Variants in DUSP3 observed in about 807,000 individuals in gnomAD.
DUSP3 encodes the protein dual specificity phosphatase 3, also known as dual specificity protein phosphatase 3.
Under a neutral mutation model 15.5 loss-of-function variants are expected in DUSP3, and 7 were observed. That is an observed-to-expected ratio of 0.45 (90% CI 0.26 to 0.85). The LOEUF (loss-of-function observed/expected upper bound fraction) is 0.85. DUSP3 is among the 40% of genes least tolerant of loss of function. DUSP3 has a pLI of 0.18. For missense variants in DUSP3, 209 were observed against 251.7 expected (o/e 0.83, Z 1.15); for synonymous variants, 86 against 104.2 (o/e 0.83, Z 1.07).
intron 2 of DUSP3, among the ~76,000 whole-genome samples, chr17:43,771,208 A>G (rs895486317): frequency 2.6e-5 from 4 of 151,994 alleles, no homozygotes; most frequent in African/African-American, 9.7e-5. Flanking sequence ...TCATCTCCAG[A>G]TGACTTATGA....
chr17:43,777,848 AT>A (rs759919514), intron 1 of DUSP3: 2 of 203,580 alleles, frequency 9.8e-6, no homozygotes, highest in Non-Finnish European at 2.1e-5. Context: ...ATTAAAAAAA[AT>A]CTCTTACTGT....
At chr17:43,772,692 G>T (rs953097274) in intron 2 of DUSP3, among the ~76,000 whole-genome samples, 1 of 152,172 alleles carries the variant, frequency 6.6e-6, no homozygotes, top group African/African-American at 2.4e-5. Context: ...TTCATCATTT[G>T]CAGTGTACCT....
At chr17:43,776,656 G>C (rs1974391360) in intron 1 of DUSP3, among the ~76,000 whole-genome samples, 1 of 152,260 alleles carries the variant, frequency 6.6e-6, no homozygotes, top group African/African-American at 2.4e-5. Flanking sequence ...TAGAGGGCAA[G>C]GGATGTATTT....
chr17:43,775,004 G>C, intron 1 of DUSP3, 66 bp from the exon 2 acceptor site: 1 of 1,531,424 alleles, frequency 6.5e-7, no homozygotes, highest in Non-Finnish European at 9.0e-7. Flanking sequence ...GAGGAAGATG[G>C]AGAAGGATTT....
rs535209637 is a variant in DUSP3, at chr17:43,767,050, G to A, written c.*2559C>T. 1.3e-5 allele frequency: 2 copies of A among 152,746 alleles called. No homozygotes were observed. Among genetic ancestry groups the A allele is most frequent in the Admixed American group, 6.5e-5 (1 of 15,302 alleles). The allele number at this position is 152,746 out of a possible 1,614,324, so 9.5% of individuals were successfully genotyped here. A position where few individuals can be genotyped will look rare whatever the true frequency, so the allele number is the denominator to read the frequency against. Reference sequence around the variant, plus strand: ...AGCTAAATCTTGTTAAGTAAATACGGGGTTTCAGGGGTGAAGGACTATCAA... The same window carrying A: ...AGCTAAATCTTGTTAAGTAAATACGAGGTTTCAGGGGTGAAGGACTATCAA... On this transcript the variant is annotated 3_prime_UTR_variant, in exon 3 of 3. Transcript: ENST00000226004.
At chr17:43,776,613 C>T (rs1974390885) in intron 1 of DUSP3, among the ~76,000 whole-genome samples, 1 of 152,218 alleles carries the variant, frequency 6.6e-6, no homozygotes, top group Non-Finnish European at 1.5e-5. Flanking sequence ...GAGGAACCCC[C>T]ACACCCCTGG....
intron 2 of DUSP3, among the ~76,000 whole-genome samples, chr17:43,771,619 A>G (rs1201311035): frequency 2.0e-5 from 3 of 152,174 alleles, no homozygotes; most frequent in Non-Finnish European, 1.5e-5. Context: ...ATCCTCTGGT[A>G]GCACCTAGTA....
At chr17:43,773,638 A>C (rs1974345749) in intron 2 of DUSP3, among the ~76,000 whole-genome samples, 1 of 152,040 alleles carries the variant, frequency 6.6e-6, no homozygotes, top group South Asian at 2.1e-4. Context: ...ATGAGATGTG[A>C]GGGGTATTTC....
At position 43,766,626 on chromosome 17, in the gene DUSP3, C is replaced by T. The variant is rs1974245105; in HGVS notation, c.*2983G>A. ...CCACCTGCTGCCCATCATATTATGG[C>T]TCACATACCCATAATTTCCTTGCGG... On this transcript the variant is annotated 3_prime_UTR_variant, in exon 3 of 3. Transcript: ENST00000226004. 1 of 152,418 alleles carries T rather than the reference C, an allele frequency of 6.6e-6. No individual in the cohort carries two copies. Among genetic ancestry groups the T allele is most frequent in the Non-Finnish European group, 1.5e-5 (1 of 68,010 alleles). The allele number at this position is 152,418 out of a possible 1,614,324, so 9.4% of individuals were successfully genotyped here. A position where few individuals can be genotyped will look rare whatever the true frequency, so the allele number is the denominator to read the frequency against.
chr17:43,778,193 G>A (rs990965186), intron 1 of DUSP3: 2 of 152,818 alleles, frequency 1.3e-5, no homozygotes, highest in African/African-American at 4.8e-5. Flanking sequence ...AGGTCCTTAG[G>A]GGGGTTATCA....
rs200953860 is a variant in DUSP3 at position 43,778,870 on chromosome 17, C to G, written c.55G>C (p.Gly19Arg). ...VQDLNDLLSD[G>R]SGCYSLPSQP... ...CTCGGGAGGCTGTAGCAGCCGCTGC[C>G]GTCCGAGAGCAGGTCGTTGAGATCC... Residue 19 changes from glycine (G) to arginine (R), a missense_variant, in exon 1 of 3, where the codon GGC becomes CGC. Coordinates refer to ENST00000226004, the MANE Select transcript of DUSP3 (RefSeq NM_004090.4). 4 of 1,518,860 alleles carry G rather than the reference C, an allele frequency of 2.6e-6. No homozygotes were observed. The highest frequency in any genetic ancestry group is 3.5e-6 in the Non-Finnish European group (4 of 1,134,122). The allele number at this position is 1,518,860 out of a possible 1,614,324, so 94.1% of individuals were successfully genotyped here. A position where few individuals can be genotyped will look rare whatever the true frequency, so the allele number is the denominator to read the frequency against.
chr17:43,778,702 C>T, intron 1 of DUSP3, 98 bp downstream of exon 1: 2 of 1,345,886 alleles, frequency 1.5e-6, no homozygotes, highest in Non-Finnish European at 9.6e-7. Context: ...CGCGCCCGGG[C>T]TCCCCCAACC....
In DUSP3 at chr17:43,766,941, G is replaced by A. The variant is rs1974248620; in HGVS notation, c.*2668C>T. 6.6e-6 allele frequency: 1 copy of A among 152,278 alleles called. No individual in the cohort carries two copies. Among genetic ancestry groups the A allele is most frequent in the South Asian group, 2.1e-4 (1 of 4,826 alleles). The allele number at this position is 152,278 out of a possible 1,614,324, so 9.4% of individuals were successfully genotyped here. ...TTCCATCACTTCCCAGGCAGTAGAA[G>A]GCTGTCCAGGAACAGCTCCCATCCG... On this transcript the variant is annotated 3_prime_UTR_variant, in exon 3 of 3. Transcript: ENST00000226004.
In DUSP3 at chr17:43,769,828, G is replaced by A. The variant is rs181317644; in HGVS notation, c.353-14C>T. On this transcript the variant is annotated splice_polypyrimidine_tract_variant and intron_variant, in intron 2 of 2. Coordinates refer to ENST00000226004, the MANE Select transcript of DUSP3 (RefSeq NM_004090.4). ...CGAGCACCCGGCCTGTAAGAAACAG[G>A]GGAGACGTGGTGAGCTGGGGGCGTC... 3.9e-5 allele frequency: 63 copies of A among 1,613,852 alleles called. No individual in the cohort carries two copies. In the East Asian group the frequency reaches 1.4e-3, roughly 35 times the overall value.
intron 2 of DUSP3, among the ~76,000 whole-genome samples, chr17:43,770,434 G>A (rs556844073): frequency 1.3e-5 from 2 of 152,272 alleles, no homozygotes; most frequent in Admixed American, 6.5e-5. Flanking sequence ...AAGGCAACTG[G>A]ATCACAAGGT....
Position 43,769,566 on chromosome 17 carries a change from G to A in DUSP3, c.*43C>T, listed in dbSNP as rs764292907. ...GGCAGCTCGGGACACCTTTGCCCAC[G>A]GCCTCCCCCACGGACCTCTCGAGCA... On this transcript the variant is annotated 3_prime_UTR_variant, in exon 3 of 3. Transcript: ENST00000226004. 13 of 1,604,612 alleles carry A rather than the reference G, an allele frequency of 8.1e-6. No individual in the cohort carries two copies. Among genetic ancestry groups the A allele is most frequent in the South Asian group, 5.5e-5 (5 of 90,680 alleles).
chr17:43,774,632 G>T, intron 2 of DUSP3, 80 bp downstream of exon 2: 2 of 1,450,380 alleles, frequency 1.4e-6, no homozygotes, highest in Non-Finnish European at 1.9e-6. Context: ...TCTAAGAAGA[G>T]ACCTGTTGTG....
Position 43,769,532 on chromosome 17 carries a change from C to G in DUSP3, c.*77G>C. 6.5e-7 allele frequency: 1 copy of G among 1,547,726 alleles called. No homozygotes were observed. The highest frequency in any genetic ancestry group is 8.8e-7 in the Non-Finnish European group (1 of 1,131,100). On this transcript the variant is annotated 3_prime_UTR_variant, in exon 3 of 3. Coordinates refer to ENST00000226004, the MANE Select transcript of DUSP3 (RefSeq NM_004090.4). ...GCTGGGAGCAGGGTACAGTGTGTTT[C>G]CTAAACATGGCAGCTCGGGACACCT... is the stretch of plus-strand genomic sequence containing the variant.
chr17:43,778,712 C>A, intron 1 of DUSP3, 88 bp downstream of exon 1: 1 of 1,386,786 alleles, frequency 7.2e-7, no homozygotes, highest in Non-Finnish European at 9.4e-7. Context: ...CTCCCCCAAC[C>A]CAAGACTCGC....
Sources: gnomAD v4.1 joint callset for allele counts (sites outside exome capture counted in the v4.1 genomes callset) on GRCh38, gnomAD v4.1.1 for gene constraint, MANE v1.5 for transcripts, NCBI Gene and HGNC (gene_info 2026-07-23, HGNC 2026-07-21) for gene names.